TRIM29: variants seen among roughly 807,000 people sequenced by gnomAD.
TRIM29 encodes the protein tripartite motif containing 29.
In TRIM29, 52 loss-of-function variants were observed where a neutral mutation model predicts 57.3. The observed-to-expected ratio is 0.91, with a 90% CI of 0.73 to 1.14. The LOEUF (loss-of-function observed/expected upper bound fraction) is 1.14. Among genes scored for constraint, TRIM29 ranks in the 50% most tolerant of loss-of-function variants. The pLI is 0.00. For missense variants in TRIM29, 753 were observed against 774.6 expected, an observed-to-expected ratio of 0.97 and a Z score of 0.33; for synonymous variants, 319 against 316.9, an observed-to-expected ratio of 1.01 and a Z score of -0.07.
At chr11:120,115,498 C>T in intron 7 of TRIM29, 84 bp from the exon 8 acceptor site, 1 of 1,148,902 alleles carries the variant, frequency 8.7e-7, no homozygotes. Flanking sequence ...GCTGCCTTCT[C>T]CAAAGTGACC....
chr11:120,128,784 C>G, intron 1 of TRIM29: 1 of 1,533,310 alleles, frequency 6.5e-7, no homozygotes, highest in Non-Finnish European at 8.7e-7. Flanking sequence ...CCTATCTCCT[C>G]CACCCAGCAA....
chr11:120,135,733 C>T (rs1863803074), intron 1 of TRIM29, among the ~76,000 whole-genome samples: 1 of 152,070 alleles, frequency 6.6e-6, no homozygotes, highest in African/African-American at 2.4e-5. Flanking sequence ...CCTTTCTGTC[C>T]AGGGGTGTGG....
chr11:120,123,390 G>T, intron 4 of TRIM29: 1 of 500,998 alleles, frequency 2.0e-6, no homozygotes, highest in South Asian at 1.5e-5. Context: ...AATTGTGGTT[G>T]TATCCCCCTG....
intron 1 of TRIM29, among the ~76,000 whole-genome samples, chr11:120,129,970 G>A (rs187210687): frequency 8.5e-5 from 13 of 152,270 alleles, no homozygotes; most frequent in African/African-American, 2.9e-4. Flanking sequence ...AGATGAGGAT[G>A]GAGATTTGGC....
Position 120,120,569 on chromosome 11 carries a change from C to A in TRIM29, c.1528+4G>T. On this transcript the variant is annotated splice_donor_region_variant and intron_variant, in intron 6 of 8. Coordinates refer to ENST00000341846, the MANE Select transcript of TRIM29 (RefSeq NM_012101.4). ...GTGCACCCTTGAGCTGAGCCACCAC[C>A]TACCTTTGGTGCCATAGAGATTGTT... is the stretch of plus-strand genomic sequence containing the variant. 6.2e-7 allele frequency: 1 copy of A among 1,612,330 alleles called. No homozygotes were observed. The highest frequency in any genetic ancestry group is 8.5e-7 in the Non-Finnish European group (1 of 1,179,646).
At chr11:120,128,712 T>C in intron 1 of TRIM29, 3 of 1,535,732 alleles carry the variant, frequency 2.0e-6, no homozygotes, top group South Asian at 1.2e-5. Flanking sequence ...ACCATCTTGC[T>C]GTATTCTCAG....
intron 7 of TRIM29, 88 bp downstream of exon 7, chr11:120,118,135 C>T: frequency 3.3e-6 from 4 of 1,203,756 alleles, no homozygotes; most frequent in Non-Finnish European, 4.8e-6. Context: ...GAGGGAGGAA[C>T]TAGCAGCTCA....
chr11:120,135,591 T>C (rs908003706), intron 1 of TRIM29, among the ~76,000 whole-genome samples: 2 of 152,114 alleles, frequency 1.3e-5, no homozygotes, highest in Admixed American at 6.5e-5. Context: ...CCCCGTCCCA[T>C]CTATATCTCT....
rs1863492892 is a variant in TRIM29, at chr11:120,122,849, T to A, written c.1435+105A>T. ...TTTCCCAGGCAAACTGGACATGCCA[T>A]CACCCCCACTCAGAAGGAACCTGGC... On this transcript the variant is annotated intron_variant, in intron 5 of 8. Transcript: ENST00000341846. 5 of 843,460 alleles carry A rather than the reference T, an allele frequency of 5.9e-6. No individual in the cohort carries two copies. The Admixed American group carries it at 6.3e-5, about 11-fold the overall frequency. 52.2% of individuals were successfully genotyped at this position (843,460 alleles called of 1,614,324 possible). A position where few individuals can be genotyped will look rare whatever the true frequency, so the allele number is the denominator to read the frequency against.
intron 6 of TRIM29, among the ~76,000 whole-genome samples, chr11:120,118,559 G>A (rs1197249820): frequency 2.0e-5 from 3 of 152,040 alleles, no homozygotes; most frequent in Non-Finnish European, 4.4e-5. Flanking sequence ...TCAGAATAAG[G>A]GACAAAGTCC....
In TRIM29 at chr11:120,112,381, G is replaced by A. The variant is rs1565310618; in HGVS notation, c.*33C>T. ...AGCAGCAGGGTCAGGAGGAAGAGCA[G>A]GGGTGTGGCGCCTCGTTCCTTCCGC... is the stretch of plus-strand genomic sequence containing the variant. On this transcript the variant is annotated 3_prime_UTR_variant, in exon 9 of 9. Transcript: ENST00000341846. The A allele has an allele frequency of 6.2e-7, 1 of 1,612,432 alleles. No individual in the cohort carries two copies. The highest frequency in any genetic ancestry group is 8.5e-7 in the Non-Finnish European group (1 of 1,178,750).
intron 5 of TRIM29, among the ~76,000 whole-genome samples, chr11:120,122,407 G>C (rs1052920748): frequency 6.6e-6 from 1 of 152,202 alleles, no homozygotes; most frequent in Non-Finnish European, 1.5e-5. Flanking sequence ...TCTGTGCTAG[G>C]CCGGCACCTT....
chr11:120,125,587 A>G, intron 4 of TRIM29, 104 bp downstream of exon 4: 1 of 1,267,140 alleles, frequency 7.9e-7, no homozygotes, highest in Non-Finnish European at 1.1e-6. Context: ...GGGTGGGAAC[A>G]ATGAGAAGAA....
At chr11:120,114,990 ACTG>A (rs1327934467) in intron 8 of TRIM29, among the ~76,000 whole-genome samples, 8 of 152,172 alleles carry the variant, frequency 5.3e-5, no homozygotes, top group African/African-American at 1.7e-4. Flanking sequence ...CTGTCCTCCC[ACTG>A]GGCTGTTTTA....
rs151241183 is a variant in TRIM29 at position 120,133,273 on chromosome 11, T to C, written c.804+3955A>G. On this transcript the variant is annotated intron_variant, in intron 1 of 8. Transcript: ENST00000341846. ...GATCTCAAGAAGACCCTTCCAATCC[T>C]ACAGGAACAAAAAGGCTTAAAATAG... Among the ~76,000 whole-genome samples the C allele has an allele frequency of 3.0e-4, 45 of 152,338 alleles. No homozygotes were observed. The East Asian group carries it at 4.8e-3, about 16-fold the overall frequency.
intron 1 of TRIM29, among the ~76,000 whole-genome samples, chr11:120,132,301 G>A (rs1345896260): frequency 6.6e-6 from 1 of 151,818 alleles, no homozygotes; most frequent in African/African-American, 2.4e-5. Flanking sequence ...TCAGAAAGTG[G>A]TTGAAGGCCC....
rs189944505 is a variant in TRIM29 at position 120,112,547 on chromosome 11, C to T, written c.1705-71G>A. The T allele has an allele frequency of 7.3e-4, 1,125 of 1,545,652 alleles. 16 individuals are homozygous for T. In the Admixed American group the frequency reaches 0.018, roughly 25 times the overall value. ...GCCTGCTAGCTAGACCCACCCTACC[C>T]TAACCTGCCTCAGGAGGCAGCAGTG... On this transcript the variant is annotated intron_variant, in intron 8 of 8. Transcript: ENST00000341846.
At chr11:120,128,787 C>T in intron 1 of TRIM29, 1 of 1,533,026 alleles carries the variant, frequency 6.5e-7, no homozygotes. Flanking sequence ...ATCTCCTCCA[C>T]CCAGCAAGAG....
intron 5 of TRIM29, chr11:120,121,716 G>C (rs1028139106): frequency 1.2e-5 from 3 of 249,346 alleles, no homozygotes; most frequent in African/African-American, 2.2e-5. Context: ...GGGTGCTGCT[G>C]TTCCCTCCAC....
Sources: allele counts gnomAD v4.1 joint callset (sites outside exome capture counted in the v4.1 genomes callset), GRCh38; gene constraint gnomAD v4.1.1; transcripts MANE v1.5; gene names NCBI Gene and HGNC (gene_info 2026-07-23, HGNC 2026-07-21).